Variants in CPAMD8 observed in about 807,000 individuals in gnomAD.
CPAMD8 encodes C3 and PZP-like alpha-2-macroglobulin domain-containing protein 8.
A neutral mutation model predicts 224.7 loss-of-function variants in CPAMD8; 146 were observed. The ratio of observed to expected loss-of-function variants is 0.65; its 90% confidence interval spans 0.57 to 0.75. The LOEUF (loss-of-function observed/expected upper bound fraction) is 0.75, where lower values mean the gene tolerates loss of function less well. Among genes scored for constraint, CPAMD8 ranks in the 30% least tolerant of loss-of-function variants. The pLI is 0.00. For synonymous variants in CPAMD8, 966 were observed against 1,044.6 expected, an observed-to-expected ratio of 0.92 and a Z score of 1.45; for missense variants, 2,301 against 2,537.5, an observed-to-expected ratio of 0.91 and a Z score of 2.00.
Position 16,914,819 on chromosome 19 carries a change from A to G in CPAMD8, c.3630-6T>C, listed in dbSNP as rs895171620. 13 of 1,601,922 alleles carry G rather than the reference A, an allele frequency of 8.1e-6. No individual in the cohort carries two copies. The highest frequency in any genetic ancestry group is 8.5e-6 in the Non-Finnish European group (10 of 1,173,510). ...TCAGGACAAAGGCTGTGAGCCTGAA[A>G]GAGGACAGGGTGTCAGCTGAGGGGT... is the stretch of plus-strand genomic sequence containing the variant. On this transcript the variant is annotated splice_region_variant and splice_polypyrimidine_tract_variant and intron_variant, in intron 27 of 41. Transcript: ENST00000443236.
intron 13 of CPAMD8, among the ~76,000 whole-genome samples, chr19:16,986,938 C>G (rs1436220324): frequency 6.6e-6 from 1 of 151,646 alleles, no homozygotes; most frequent in Non-Finnish European, 1.5e-5. Flanking sequence ...GGTGGATCAC[C>G]TGAGGCCAGG....
At chr19:17,020,531 T>G (rs550417242) in intron 2 of CPAMD8, among the ~76,000 whole-genome samples, 178 bp from the exon 3 acceptor site, 1 of 151,792 alleles carries the variant, frequency 6.6e-6, no homozygotes, top group East Asian at 1.9e-4. Flanking sequence ...AAGCCAGAGG[T>G]TTCCTCCAAG....
intron 18 of CPAMD8, among the ~76,000 whole-genome samples, chr19:16,966,981 G>A (rs1251724524): frequency 7.9e-5 from 12 of 152,138 alleles, no homozygotes; most frequent in South Asian, 4.1e-4. Flanking sequence ...CAGCAATCCC[G>A]TTACTGGATA....
At chr19:16,988,927 C>T (rs935698997) in intron 13 of CPAMD8, among the ~76,000 whole-genome samples, 3 of 152,174 alleles carry the variant, frequency 2.0e-5, no homozygotes, top group Non-Finnish European at 2.9e-5. Flanking sequence ...GCATTAGATT[C>T]TCTCAGGAGT....
chr19:16,984,078 G>C (rs957989910), intron 13 of CPAMD8, among the ~76,000 whole-genome samples: 1 of 152,086 alleles, frequency 6.6e-6, no homozygotes, highest in Non-Finnish European at 1.5e-5. Context: ...TTGAAATAAG[G>C]GTGCCAAGAC....
At chr19:17,024,546 G>C (rs1161969245) in intron 1 of CPAMD8, among the ~76,000 whole-genome samples, 2 of 152,200 alleles carry the variant, frequency 1.3e-5, no homozygotes, top group Non-Finnish European at 2.9e-5. Context: ...GTGTAGAAGA[G>C]AGAGTAAGGA....
At chr19:16,914,329 G>A (rs2052848707) in intron 29 of CPAMD8, 95 bp downstream of exon 29, 3 of 972,460 alleles carry the variant, frequency 3.1e-6, no homozygotes, top group Non-Finnish European at 4.9e-6. Flanking sequence ...AGGAGGGCAG[G>A]GAGGAAGAAA....
chr19:16,941,257 A>T (rs1343316908), intron 22 of CPAMD8, among the ~76,000 whole-genome samples: 1 of 152,232 alleles, frequency 6.6e-6, no homozygotes, highest in African/African-American at 2.4e-5. Flanking sequence ...TAACAGCTAC[A>T]TAATCCTAAA....
At chr19:16,949,121 C>T (rs921701741) in intron 20 of CPAMD8, among the ~76,000 whole-genome samples, 1 of 151,936 alleles carries the variant, frequency 6.6e-6, no homozygotes, top group Non-Finnish European at 1.5e-5. Context: ...TGTCAATGAG[C>T]CATTTTCCAG....
rs16981558 is a variant in CPAMD8 at position 17,011,222 on chromosome 19, A to C, written c.486+242T>G. On this transcript the variant is annotated intron_variant, in intron 5 of 41. Coordinates refer to ENST00000443236, the MANE Select transcript of CPAMD8 (RefSeq NM_015692.5). ...GGGGAAAAAAAAAAAATTAAGCAAC[A>C]GTCCAGGGCTACCTAAAGCCCTCAA... is the stretch of plus-strand genomic sequence containing the variant. Among the ~76,000 whole-genome samples the C allele has an allele frequency of 0.021, 3,213 of 152,068 alleles. 171 individuals are homozygous for C. In the East Asian group the frequency reaches 0.23, roughly 11 times the overall value.
At chr19:17,007,419 GGA>G (rs974740977) in intron 7 of CPAMD8, among the ~76,000 whole-genome samples, 29 of 151,812 alleles carry the variant, frequency 1.9e-4, no homozygotes, top group African/African-American at 6.5e-4. Flanking sequence ...AGAAGCAGGA[GGA>G]GAGGGGGAGG....
chr19:17,006,808 C>T (rs1286451895), intron 7 of CPAMD8, among the ~76,000 whole-genome samples: 1 of 152,186 alleles, frequency 6.6e-6, no homozygotes, highest in Non-Finnish European at 1.5e-5. Flanking sequence ...CCACCCCGGG[C>T]TGGGATAGAG....
At chr19:16,955,191 AG>A (rs1568524702) in intron 19 of CPAMD8, among the ~76,000 whole-genome samples, 1 of 152,020 alleles carries the variant, frequency 6.6e-6, no homozygotes, top group Non-Finnish European at 1.5e-5. Context: ...GCTATTTGGA[AG>A]GTTAAGGCAG....
chr19:16,903,551 A>C lies in CPAMD8; in HGVS notation c.4470+10T>G, dbSNP rs112102192. 1.1e-3 allele frequency: 1,834 copies of C among 1,614,066 alleles called. 17 individuals are homozygous for C. The African/African-American group carries it at 0.022, about 19-fold the overall frequency. ...AGCCCAAGATCACCTCGTGCTCCCC[A>C]AAACCTCACCTGCATCAGGCAGCAG... is the stretch of plus-strand genomic sequence containing the variant. On this transcript the variant is annotated intron_variant, in intron 34 of 41. Coordinates refer to ENST00000443236, the MANE Select transcript of CPAMD8 (RefSeq NM_015692.5).
chr19:16,901,097 A>G (rs948848360), intron 36 of CPAMD8, 113 bp downstream of exon 36: 9 of 626,450 alleles, frequency 1.4e-5, no homozygotes, highest in Non-Finnish European at 2.3e-5. Flanking sequence ...AGAAAAGAAT[A>G]CCCATAGCAT....
intron 39 of CPAMD8, 164 bp downstream of exon 39, chr19:16,897,527 C>T: frequency 1.8e-6 from 1 of 568,144 alleles, no homozygotes; most frequent in Admixed American, 3.4e-5. Context: ...GCCCCGCCTC[C>T]CCCGTACAGG....
At position 16,924,883 on chromosome 19, in the gene CPAMD8, CCTT is replaced by C. The variant is rs530041184; in HGVS notation, c.3547+310_3547+312del. 2.7e-3 allele frequency among the ~76,000 whole-genome samples: 406 copies of C among 152,272 alleles called. 2 individuals carry two copies. The highest frequency in any genetic ancestry group is 9.5e-3 in the African/African-American group (394 of 41,548). Reference sequence around the variant, plus strand: ...TACAGGCATCAGCCACTGTGCCTGGCCTTCTCTTTTATTTTCTAAATGTTATTT... The same window carrying C: ...TACAGGCATCAGCCACTGTGCCTGGCCTCTTTTATTTTCTAAATGTTATTT... On this transcript the variant is annotated intron_variant, in intron 26 of 41. Transcript: ENST00000443236.
chr19:16,917,328 G>C (rs979183858), intron 27 of CPAMD8, among the ~76,000 whole-genome samples: 4 of 152,170 alleles, frequency 2.6e-5, no homozygotes, highest in Non-Finnish European at 5.9e-5. Flanking sequence ...TCCATCAATT[G>C]TAACAAATAC....
At position 16,961,490 on chromosome 19, in the gene CPAMD8, G is replaced by A. The variant is rs564227989; in HGVS notation, c.2214-3575C>T. Among the ~76,000 whole-genome samples the A allele has an allele frequency of 3.3e-5, 5 of 152,380 alleles. No individual in the cohort carries two copies. In the South Asian group the frequency reaches 6.2e-4, roughly 19 times the overall value. On this transcript the variant is annotated intron_variant, in intron 18 of 41. Transcript: ENST00000443236. Reference sequence around the variant, plus strand: ...GGTGCCCACCATTGCTGAGGCTGGAGTAAGTAAACAAAGTGGCTGGGAAGC... The same window carrying A: ...GGTGCCCACCATTGCTGAGGCTGGAATAAGTAAACAAAGTGGCTGGGAAGC...
Sources: gnomAD v4.1 joint callset for allele counts (sites outside exome capture counted in the v4.1 genomes callset) on GRCh38, gnomAD v4.1.1 for gene constraint, MANE v1.5 for transcripts, NCBI Gene and HGNC (gene_info 2026-07-23, HGNC 2026-07-21) for gene names.